RELN: variants seen among roughly 807,000 people sequenced by gnomAD.
RELN encodes the protein reelin.
Under a neutral mutation model 427.6 loss-of-function variants are expected in RELN, and 108 were observed. That is an observed-to-expected ratio of 0.25 (90% CI 0.22 to 0.30). The LOEUF (loss-of-function observed/expected upper bound fraction) is 0.30, where lower values mean the gene tolerates loss of function less well. RELN is among the 10% of genes least tolerant of loss of function. The pLI is 1.00. For synonymous variants in RELN, 1,524 were observed against 1,513.4 expected, an observed-to-expected ratio of 1.01 and a Z score of -0.16; for missense variants, 3,715 against 4,302.8, an observed-to-expected ratio of 0.86 and a Z score of 3.82.
intron 47 of RELN, among the ~76,000 whole-genome samples, chr7:103,522,642 C>T (rs925744768): frequency 6.6e-6 from 1 of 152,172 alleles, no homozygotes; most frequent in African/African-American, 2.4e-5. Context: ...ATAACTGTCA[C>T]TTCTTACCAA....
intron 30 of RELN, among the ~76,000 whole-genome samples, chr7:103,572,606 G>C (rs1367470363): frequency 6.6e-6 from 1 of 151,464 alleles, no homozygotes; most frequent in African/African-American, 2.4e-5. Context: ...GCGTGATCTC[G>C]ACTCACTGCA....
chr7:103,511,835 C>A (rs1018818889), intron 50 of RELN, among the ~76,000 whole-genome samples: 4 of 152,100 alleles, frequency 2.6e-5, no homozygotes, highest in Non-Finnish European at 4.4e-5. Flanking sequence ...CAGAGTGAGA[C>A]CCTGTCTCTA....
intron 27 of RELN, 45 bp downstream of exon 27, chr7:103,593,636 AT>A: frequency 6.6e-7 from 1 of 1,507,624 alleles, no homozygotes; most frequent in Non-Finnish European, 9.2e-7. Flanking sequence ...TCTGGAAGAT[AT>A]TTTACTCCTT....
intron 28 of RELN, among the ~76,000 whole-genome samples, chr7:103,581,148 A>T (rs937424179): frequency 6.6e-6 from 1 of 152,160 alleles, no homozygotes; most frequent in African/African-American, 2.4e-5. Context: ...CCAGTGGATG[A>T]AGGAACCACT....
intron 28 of RELN, among the ~76,000 whole-genome samples, chr7:103,585,660 A>G (rs188682577): frequency 1.3e-4 from 20 of 152,318 alleles, no homozygotes; most frequent in Admixed American, 1.0e-3. Context: ...CAATCTTACT[A>G]AAGAGATTCC....
chr7:103,558,735 C>T (rs1830578455), intron 36 of RELN, among the ~76,000 whole-genome samples: 1 of 152,184 alleles, frequency 6.6e-6, no homozygotes, highest in Non-Finnish European at 1.5e-5. Flanking sequence ...TTCTTGGGTA[C>T]ATAGGATTGC....
rs150160127 is a variant in RELN, at chr7:103,788,398, T to C, written c.474-11771A>G. On this transcript the variant is annotated intron_variant, in intron 3 of 64. Transcript: ENST00000428762. Reference sequence around the variant, plus strand: ...CAATTAGGAAAAGAGGACATCAAATTGTCTCTGTTTGCAGATGACACGATT... The same window carrying C: ...CAATTAGGAAAAGAGGACATCAAATCGTCTCTGTTTGCAGATGACACGATT... 1.0e-3 allele frequency among the ~76,000 whole-genome samples: 159 copies of C among 152,282 alleles called. 1 individual carries two copies. In the East Asian group the frequency reaches 0.027, roughly 26 times the overall value.
chr7:103,924,792 C>T (rs1247196834), intron 1 of RELN, among the ~76,000 whole-genome samples: 1 of 152,070 alleles, frequency 6.6e-6, no homozygotes, highest in African/African-American at 2.4e-5. Flanking sequence ...GGAGATAAAA[C>T]AGGTGCAGTC....
intron 2 of RELN, among the ~76,000 whole-genome samples, chr7:103,882,894 T>G (rs1794640368): frequency 6.6e-6 from 1 of 152,034 alleles, no homozygotes; most frequent in African/African-American, 2.4e-5. Flanking sequence ...CTAAAACTAT[T>G]CCAACAAAAG....
At chr7:103,986,930 CTGTGTGTGTGTG>C (rs68023932) in intron 1 of RELN, among the ~76,000 whole-genome samples, 1,972 of 148,946 alleles carry the variant, frequency 0.013, 22 homozygotes, top group African/African-American at 0.026. Flanking sequence ...CTAACAGAAG[CTGTGTGTGTGTG>C]TGTGTGTGTG....
At chr7:103,739,174 C>CA (rs1339417262) in intron 6 of RELN, among the ~76,000 whole-genome samples, 1 of 151,900 alleles carries the variant, frequency 6.6e-6, no homozygotes, top group Non-Finnish European at 1.5e-5. Context: ...AATTATTTTT[C>CA]AAAAAAATCA....
chr7:103,882,513 G>GT (rs1312817635), intron 2 of RELN, among the ~76,000 whole-genome samples: 1 of 151,558 alleles, frequency 6.6e-6, no homozygotes, highest in Non-Finnish European at 1.5e-5. Context: ...CTGCCTGCTG[G>GT]TTTTTTTGAA....
At chr7:103,699,608 A>G (rs1834049692) in intron 9 of RELN, among the ~76,000 whole-genome samples, 1 of 152,162 alleles carries the variant, frequency 6.6e-6, no homozygotes, top group African/African-American at 2.4e-5. Flanking sequence ...GCTGTTTTCC[A>G]GTAAGAAATA....
intron 8 of RELN, among the ~76,000 whole-genome samples, chr7:103,718,206 T>G (rs1411482764): frequency 6.6e-6 from 1 of 152,024 alleles, no homozygotes; most frequent in Non-Finnish European, 1.5e-5. Flanking sequence ...CTCCGTAGCA[T>G]GTACAGTACA....
chr7:103,897,335 C>T (rs2116608772), intron 2 of RELN, among the ~76,000 whole-genome samples: 1 of 152,218 alleles, frequency 6.6e-6, no homozygotes, highest in South Asian at 2.1e-4. Flanking sequence ...GCATTCCTTT[C>T]ACCAATTCAC....
At chr7:103,507,330 G>C (rs1274391490) in intron 51 of RELN, among the ~76,000 whole-genome samples, 7 of 152,128 alleles carry the variant, frequency 4.6e-5, no homozygotes, top group African/African-American at 7.2e-5. Flanking sequence ...ATAACAAACT[G>C]TCTCTCAGAC....
intron 48 of RELN, among the ~76,000 whole-genome samples, chr7:103,520,158 G>A (rs1325319734): frequency 6.6e-6 from 1 of 151,702 alleles, no homozygotes; most frequent in Non-Finnish European, 1.5e-5. Flanking sequence ...TAAGCAAGAT[G>A]AGAGCTGGAA....
intron 4 of RELN, among the ~76,000 whole-genome samples, chr7:103,766,787 G>C (rs931471772): frequency 1.6e-4 from 25 of 152,226 alleles, no homozygotes; most frequent in African/African-American, 5.8e-4. Context: ...CTGTTCTGAG[G>C]GTGATGAACA....
At chr7:103,727,369 C>T (rs117650979) in intron 7 of RELN, among the ~76,000 whole-genome samples, 3,188 of 152,104 alleles carry the variant, frequency 0.021, 39 homozygotes, top group Admixed American at 0.033. Flanking sequence ...GGAATTGAGA[C>T]AGGATATAAC....
Sources: allele counts gnomAD v4.1 joint callset (sites outside exome capture counted in the v4.1 genomes callset), GRCh38; gene constraint gnomAD v4.1.1; transcripts MANE v1.5; gene names NCBI Gene and HGNC (gene_info 2026-07-23, HGNC 2026-07-21).